DDC: variants seen among roughly 807,000 people sequenced by gnomAD.
DDC encodes dopa decarboxylase, also known as aromatic-L-amino-acid decarboxylase.
DDC carries 43 observed loss-of-function variants against 60.0 expected under a neutral mutation model. The observed-to-expected ratio is 0.72, with a 90% CI of 0.56 to 0.92. The LOEUF (loss-of-function observed/expected upper bound fraction) is 0.92, where lower values mean the gene tolerates loss of function less well. Ranked by LOEUF, DDC falls within the 40% of genes least tolerant of loss-of-function variation. The pLI, the probability that DDC is intolerant of heterozygous loss-of-function variation, is 0.00. For missense variants in DDC, 573 were observed against 620.2 expected, an observed-to-expected ratio of 0.92 and a Z score of 0.81; for synonymous variants, 232 against 234.6, an observed-to-expected ratio of 0.99 and a Z score of 0.10.
intron 11 of DDC, among the ~76,000 whole-genome samples, chr7:50,471,629 T>C (rs1013162070): frequency 1.3e-5 from 2 of 152,084 alleles, no homozygotes; most frequent in African/African-American, 2.4e-5. Flanking sequence ...TAAACAAGGG[T>C]TCGGATCCCC....
At chr7:50,460,652 T>C (rs1288102380) in intron 14 of DDC, among the ~76,000 whole-genome samples, 1 of 151,614 alleles carries the variant, frequency 6.6e-6, no homozygotes, top group Non-Finnish European at 1.5e-5. Context: ...ATGGTTGCCA[T>C]GTCTGTGTAG....
Position 50,462,245 on chromosome 7 carries a change from A to G in DDC, c.*18+968T>C, listed in dbSNP as rs932140482. ...AAAAGACAAAAAAAAAAAAAAAAAA[A>G]AAAGAAAATAAACAGAAAAAGGTAG... On this transcript the variant is annotated intron_variant, in intron 14 of 14. Coordinates refer to ENST00000444124, the MANE Select transcript of DDC (RefSeq NM_001082971.2). 7.3e-5 allele frequency among the ~76,000 whole-genome samples: 11 copies of G among 150,362 alleles called. No individual in the cohort carries two copies. In the South Asian group the frequency reaches 1.2e-3, roughly 17 times the overall value.
chr7:50,555,870 C>A (rs963516500), intron 1 of DDC, among the ~76,000 whole-genome samples: 3 of 152,138 alleles, frequency 2.0e-5, no homozygotes, highest in African/African-American at 4.8e-5. Context: ...CCTGAAGGCA[C>A]CTGAGAGAAT....
chr7:50,464,638 T>A (rs534050276), intron 13 of DDC, among the ~76,000 whole-genome samples: 1 of 152,316 alleles, frequency 6.6e-6, no homozygotes, highest in East Asian at 1.9e-4. Flanking sequence ...AGGGCAGTAC[T>A]TCCATGAAGT....
At chr7:50,546,913 G>A (rs1191696923) in intron 1 of DDC, among the ~76,000 whole-genome samples, 1 of 152,222 alleles carries the variant, frequency 6.6e-6, no homozygotes, top group Non-Finnish European at 1.5e-5. Flanking sequence ...TTAAGCCAAC[G>A]ACCAAGGAGT....
intron 14 of DDC, among the ~76,000 whole-genome samples, chr7:50,459,306 A>G (rs1183653701): frequency 6.6e-6 from 1 of 152,174 alleles, no homozygotes; most frequent in Non-Finnish European, 1.5e-5. Context: ...TCGGCTCGCT[A>G]CAACCTCCAC....
At chr7:50,509,862 A>G (rs2043500351) in intron 6 of DDC, among the ~76,000 whole-genome samples, 1 of 132,496 alleles carries the variant, frequency 7.5e-6, no homozygotes, top group Non-Finnish European at 1.5e-5. Flanking sequence ...AGTCTTGGGG[A>G]AAAAAAACCC....
chr7:50,527,126 C>T (rs1256127161), intron 6 of DDC, among the ~76,000 whole-genome samples: 1 of 152,048 alleles, frequency 6.6e-6, no homozygotes, highest in Non-Finnish European at 1.5e-5. Context: ...ATGAAACTGA[C>T]TTCATATATT....
At chr7:50,464,999 G>T (rs1562978781) in intron 13 of DDC, among the ~76,000 whole-genome samples, 2 of 152,190 alleles carry the variant, frequency 1.3e-5, no homozygotes, top group African/African-American at 4.8e-5. Flanking sequence ...GGAAACATTT[G>T]TCAGCTGAAA....
intron 1 of DDC, among the ~76,000 whole-genome samples, chr7:50,551,612 C>A (rs1475042989): frequency 6.6e-6 from 1 of 152,146 alleles, no homozygotes; most frequent in African/African-American, 2.4e-5. Flanking sequence ...TACTGAATTT[C>A]TTGCTCACTG....
chr7:50,500,221 A>G (rs1451496031), intron 7 of DDC, among the ~76,000 whole-genome samples: 2 of 151,950 alleles, frequency 1.3e-5, no homozygotes, highest in Admixed American at 6.6e-5. Context: ...GTAGGGATCC[A>G]TGGATTCACC....
Position 50,463,356 on chromosome 7 carries a change from GGTGACATGGAACCAA to G in DDC, c.1303_1317del (p.Val436_Leu440del), listed in dbSNP as rs2153533010. 1.9e-6 allele frequency: 3 copies of G among 1,614,212 alleles called. No homozygotes were observed. The highest frequency in any genetic ancestry group is 1.3e-5 in the African/African-American group (1 of 75,044). On this transcript the variant is annotated inframe_deletion, in exon 14 of 15. Transcript: ENST00000444124. ...AAGCGCAGGACAAACTTGTCCCTGAGGTGACATGGAACCAAGTGGATTTTTTTGGCACTGTTTATT... is the reference window on the plus strand; with the variant it reads ...AAGCGCAGGACAAACTTGTCCCTGAGGTGGATTTTTTTGGCACTGTTTATT...
At chr7:50,559,819 G>A (rs77988733) in intron 1 of DDC, among the ~76,000 whole-genome samples, 13,066 of 152,232 alleles carry the variant, frequency 0.086, 863 homozygotes, top group South Asian at 0.14. Context: ...GTGTCTGAAA[G>A]TAAAACCTTC....
In DDC at chr7:50,468,056, C is replaced by T. The variant is rs730092; in HGVS notation, c.1141-741G>A. 5.9e-5 allele frequency among the ~76,000 whole-genome samples: 9 copies of T among 152,306 alleles called. No individual in the cohort carries two copies. The South Asian group carries it at 1.0e-3, about 18-fold the overall frequency. ...GAAGGAGCCCTCCGTGGCGTAGGCC[C>T]GTGCCTTGCTCATTCTAAGCCCGCG... is the stretch of plus-strand genomic sequence containing the variant. On this transcript the variant is annotated intron_variant, in intron 12 of 14. Coordinates refer to ENST00000444124, the MANE Select transcript of DDC (RefSeq NM_001082971.2).
intron 14 of DDC, among the ~76,000 whole-genome samples, chr7:50,461,077 TA>T (rs1562975677): frequency 6.6e-6 from 1 of 151,472 alleles, no homozygotes; most frequent in South Asian, 2.1e-4. Context: ...AAATAAAAAT[TA>T]AAAAAATAAA....
chr7:50,537,761 A>G, intron 4 of DDC, 99 bp downstream of exon 4: 2 of 1,447,482 alleles, frequency 1.4e-6, no homozygotes. Context: ...AAATTTGAGG[A>G]ACTAACAAGA....
At chr7:50,476,718 T>G in intron 10 of DDC, 75 bp from the exon 11 acceptor site, 1 of 1,401,670 alleles carries the variant, frequency 7.1e-7, no homozygotes, top group Non-Finnish European at 1.0e-6. Context: ...TCCTTTTCAT[T>G]TTCCAGGTAA....
intron 11 of DDC, among the ~76,000 whole-genome samples, 155 bp from the exon 12 acceptor site, chr7:50,470,326 C>T (rs1266601826): frequency 1.3e-5 from 2 of 152,230 alleles, no homozygotes; most frequent in African/African-American, 4.8e-5. Context: ...TGGCAGGGCC[C>T]TCGGTGATGT....
intron 9 of DDC, chr7:50,493,015 G>A (rs1234575676): frequency 6.3e-6 from 10 of 1,590,738 alleles, no homozygotes; most frequent in Non-Finnish European, 8.5e-6. Flanking sequence ...CCTGAGGGCA[G>A]GACGCCGCAT....
Sources: allele counts gnomAD v4.1 joint callset (sites outside exome capture counted in the v4.1 genomes callset), GRCh38; gene constraint gnomAD v4.1.1; transcripts MANE v1.5; gene names NCBI Gene and HGNC (gene_info 2026-07-23, HGNC 2026-07-21).